Variants in ATP6V1H observed in about 807,000 individuals in gnomAD.
The protein encoded by ATP6V1H is ATPase H+ transporting V1 subunit H.
A neutral mutation model predicts 71.7 loss-of-function variants in ATP6V1H; 39 were observed. The observed-to-expected ratio is 0.54, with a 90% CI of 0.42 to 0.71. The LOEUF (loss-of-function observed/expected upper bound fraction) is 0.71, where lower values mean the gene tolerates loss of function less well. ATP6V1H is among the 30% of genes least tolerant of loss of function. The pLI is 0.00. For missense variants in ATP6V1H, 509 were observed against 594.9 expected (o/e 0.86, Z 1.50); for synonymous variants, 192 against 199.3 (o/e 0.96, Z 0.31).
chr8:53,768,739 C>A (rs1015829444), intron 11 of ATP6V1H, among the ~76,000 whole-genome samples: 2 of 151,940 alleles, frequency 1.3e-5, no homozygotes, highest in African/African-American at 4.8e-5. Context: ...ACAGGCAAAT[C>A]GAGATATTGG....
chr8:53,814,626 T>C (rs2130473435), intron 6 of ATP6V1H, 36 bp downstream of exon 6: 1 of 1,135,226 alleles, frequency 8.8e-7, no homozygotes, highest in South Asian at 1.3e-5. Context: ...GGATGTTATA[T>C]TCCTTTCAAA....
intron 4 of ATP6V1H, among the ~76,000 whole-genome samples, chr8:53,825,961 A>G (rs564014516): frequency 3.9e-5 from 6 of 152,320 alleles, no homozygotes; most frequent in African/African-American, 1.4e-4. Context: ...CTAAGACAAA[A>G]AGGTAAATAA....
At chr8:53,796,711 T>C (rs780331264) in intron 8 of ATP6V1H, among the ~76,000 whole-genome samples, 1 of 152,220 alleles carries the variant, frequency 6.6e-6, no homozygotes, top group Non-Finnish European at 1.5e-5. Flanking sequence ...GATCATCATT[T>C]GGAACAAATA....
intron 9 of ATP6V1H, among the ~76,000 whole-genome samples, chr8:53,791,016 A>G (rs1809547629): frequency 6.6e-6 from 1 of 152,178 alleles, no homozygotes; most frequent in Non-Finnish European, 1.5e-5. Flanking sequence ...CTTAATTTAC[A>G]CTAAAAGATT....
chr8:53,838,056 A>T (rs1293709669), intron 2 of ATP6V1H, among the ~76,000 whole-genome samples: 1 of 151,958 alleles, frequency 6.6e-6, no homozygotes, highest in Non-Finnish European at 1.5e-5. Context: ...CCCAGGCCTC[A>T]GCTCCCTGCC....
In ATP6V1H at chr8:53,725,199, C is replaced by T. The variant is rs150600015; in HGVS notation, c.1392-9175G>A. Among the ~76,000 whole-genome samples, 385 of 152,130 alleles carry T rather than the reference C, an allele frequency of 2.5e-3. 3 individuals carry two copies. Among genetic ancestry groups the T allele is most frequent in the Middle Eastern group, 0.014 (4 of 294 alleles). On this transcript the variant is annotated intron_variant, in intron 13 of 13. Coordinates refer to ENST00000359530, the MANE Select transcript of ATP6V1H (RefSeq NM_015941.4). ...ATCCATTCATGAATTAATAGATTAA[C>T]GAGTTATCATGAGAGTGGGACTGTG...
chr8:53,732,167 T>C (rs985905109), intron 13 of ATP6V1H, among the ~76,000 whole-genome samples: 3 of 152,234 alleles, frequency 2.0e-5, no homozygotes, highest in African/African-American at 7.2e-5. Context: ...GCTTTGGTTT[T>C]AATTTTGATT....
chr8:53,770,474 A>G (rs1808615164), intron 10 of ATP6V1H, among the ~76,000 whole-genome samples: 2 of 152,184 alleles, frequency 1.3e-5, no homozygotes, highest in Admixed American at 1.3e-4. Context: ...AAAAGATGTA[A>G]CCATTCAAAT....
chr8:53,826,775 C>T (rs915168660), intron 4 of ATP6V1H, among the ~76,000 whole-genome samples: 2 of 150,566 alleles, frequency 1.3e-5, no homozygotes, highest in East Asian at 2.0e-4. Flanking sequence ...GGTAAAACCC[C>T]GTCTCTACTA....
At chr8:53,821,501 C>G (rs746626556) in intron 4 of ATP6V1H, among the ~76,000 whole-genome samples, 1 of 151,752 alleles carries the variant, frequency 6.6e-6, no homozygotes, top group South Asian at 2.1e-4. Flanking sequence ...GGCAACATGG[C>G]GAAATCCCAT....
chr8:53,815,595 G>A (rs997056482), intron 5 of ATP6V1H, among the ~76,000 whole-genome samples: 3 of 152,176 alleles, frequency 2.0e-5, no homozygotes, highest in Admixed American at 6.5e-5. Flanking sequence ...GGTGTATTTG[G>A]AATTCTACAA....
chr8:53,766,015 A>T (rs923032203), intron 11 of ATP6V1H, among the ~76,000 whole-genome samples: 6 of 152,208 alleles, frequency 3.9e-5, no homozygotes, highest in African/African-American at 1.4e-4. Context: ...CTTTTAACAG[A>T]GCAAGGGCAA....
intron 11 of ATP6V1H, among the ~76,000 whole-genome samples, chr8:53,763,613 A>G (rs1808351765): frequency 1.3e-5 from 2 of 152,174 alleles, no homozygotes; most frequent in Admixed American, 1.3e-4. Flanking sequence ...GATAGCCAAA[A>G]TCATCTTGGA....
chr8:53,828,287 G>A (rs977428761), intron 4 of ATP6V1H, among the ~76,000 whole-genome samples: 18 of 152,158 alleles, frequency 1.2e-4, no homozygotes, highest in African/African-American at 4.3e-4. Context: ...GAGGATAAGA[G>A]GAACTCACAA....
At chr8:53,749,484 AC>A (rs1807719754) in intron 12 of ATP6V1H, among the ~76,000 whole-genome samples, 1 of 152,096 alleles carries the variant, frequency 6.6e-6, no homozygotes, top group Admixed American at 6.5e-5. Flanking sequence ...ACACCCAGCT[AC>A]CCAGAGCTGC....
chr8:53,771,778 G>T (rs1395301817), intron 10 of ATP6V1H, among the ~76,000 whole-genome samples: 1 of 152,160 alleles, frequency 6.6e-6, no homozygotes, highest in African/African-American at 2.4e-5. Flanking sequence ...GCAGAAAACA[G>T]TGGGAATCTC....
At chr8:53,794,470 A>G (rs1193393838) in intron 9 of ATP6V1H, among the ~76,000 whole-genome samples, 1 of 152,080 alleles carries the variant, frequency 6.6e-6, no homozygotes, top group Non-Finnish European at 1.5e-5. Flanking sequence ...GGTTCAAGCG[A>G]TTCTCCTGTC....
intron 9 of ATP6V1H, among the ~76,000 whole-genome samples, chr8:53,781,952 T>G (rs1472023855): frequency 2.6e-5 from 4 of 152,222 alleles, no homozygotes; most frequent in Non-Finnish European, 5.9e-5. Flanking sequence ...AGCCTTGTAG[T>G]ATAGTTTGAA....
At chr8:53,791,558 C>T (rs898243547) in intron 9 of ATP6V1H, among the ~76,000 whole-genome samples, 2 of 152,230 alleles carry the variant, frequency 1.3e-5, no homozygotes, top group Non-Finnish European at 2.9e-5. Flanking sequence ...GTCCTACAAG[C>T]ACAAACTACT....
Sources: gnomAD v4.1 joint callset for allele counts (sites outside exome capture counted in the v4.1 genomes callset) on GRCh38, gnomAD v4.1.1 for gene constraint, MANE v1.5 for transcripts, NCBI Gene and HGNC (gene_info 2026-07-23, HGNC 2026-07-21) for gene names.